SQSTM1: variants seen among roughly 807,000 people sequenced by gnomAD.
SQSTM1 encodes the protein sequestosome-1.
A neutral mutation model predicts 45.1 loss-of-function variants in SQSTM1; 36 were observed. That is an observed-to-expected ratio of 0.80 (90% CI 0.61 to 1.05). SQSTM1 has a LOEUF of 1.05. SQSTM1 is among the 50% of genes least tolerant of loss of function. The pLI is 0.00. For missense variants in SQSTM1, 617 were observed against 607.1 expected (o/e 1.02, Z -0.17); for synonymous variants, 290 against 244.3 (o/e 1.19, Z -1.74).
At chr5:179,833,922 T>A in intron 7 of SQSTM1, 140 bp downstream of exon 7, 1 of 947,506 alleles carries the variant, frequency 1.1e-6, no homozygotes, top group Non-Finnish European at 1.6e-6. Flanking sequence ...AGGTTAGGAG[T>A]TGGTTTTGTC....
At position 179,806,952 on chromosome 5, in the gene SQSTM1, G is replaced by A. The variant is rs1342874243; in HGVS notation, c.-157+361G>A. 1 of 150,586 alleles carries A rather than the reference G, an allele frequency of 6.6e-6. No homozygotes were observed. Among genetic ancestry groups the A allele is most frequent in the Non-Finnish European group, 1.5e-5 (1 of 67,494 alleles). The allele number at this position is 150,586 out of a possible 1,614,324, so 9.3% of individuals were successfully genotyped here. ...GAGCCGCGGCCCGGCCTGGATCTGG[G>A]GCCTGGATCTGGGGCCGCCGCGGAG... On this transcript the variant is annotated intron_variant, in intron 1 of 5. Coordinates refer to the SQSTM1 transcript ENST00000514093. The surrounding 1 kb of genome is among the most constrained non-coding windows in gnomAD (Gnocchi z 4.6).
At chr5:179,818,410 C>G (rs371255853), upstream of SQSTM1, among the ~76,000 whole-genome samples, 433 of 152,304 alleles carry the variant, frequency 2.8e-3, 1 homozygote, top group African/African-American at 0.01. Context: ...TCTGGCTGCC[C>G]CAGCACCCAC....
At chr5:179,828,918 T>C (rs1486276505) in intron 5 of SQSTM1, among the ~76,000 whole-genome samples, 1 of 152,122 alleles carries the variant, frequency 6.6e-6, no homozygotes, top group African/African-American at 2.4e-5. Flanking sequence ...GGCAACCTGC[T>C]GAGGGAAGCT....
rs553242167 is a variant in SQSTM1, at chr5:179,812,793, C to A, written c.-48+1111C>A. 41 of 152,282 alleles carry A rather than the reference C, an allele frequency of 2.7e-4. 1 individual carries two copies. Among genetic ancestry groups the A allele is most frequent in the Admixed American group, 1.9e-3 (29 of 15,292 alleles). 9.4% of individuals were successfully genotyped at this position (152,282 alleles called of 1,614,324 possible). ...GGTTTAGGTCCCATGGCACGTGGGG[C>A]TCTGGACCTGCCTGCCTCCAAGACA... On this transcript the variant is annotated intron_variant, in intron 2 of 5. Coordinates refer to the SQSTM1 transcript ENST00000514093.
In SQSTM1 at chr5:179,806,445, CCCAGGTGCG is replaced by C. The variant is rs767181562; in HGVS notation, c.-293_-285del. On this transcript the variant is annotated 5_prime_UTR_variant, in exon 1 of 6. Coordinates refer to the SQSTM1 transcript ENST00000514093. This position sits in a 1 kb window ranked among gnomAD's most constrained non-coding sequence, Gnocchi z 4.6. ...GCCGGGCCCGCTCCCGCCGCCGACG[CCCAGGTGCG>C]CCAGGTGCGGGCCGGGCGGGGGTCG... is the stretch of plus-strand genomic sequence containing the variant. 39 of 1,181,916 alleles carry C rather than the reference CCCAGGTGCG, an allele frequency of 3.3e-5. No individual in the cohort carries two copies. The highest frequency in any genetic ancestry group is 3.9e-5 in the Non-Finnish European group (36 of 933,140). 73.2% of individuals were successfully genotyped at this position (1,181,916 alleles called of 1,614,324 possible).
intron 5 of SQSTM1, among the ~76,000 whole-genome samples, chr5:179,826,683 C>A (rs1270282994): frequency 1.3e-5 from 2 of 149,748 alleles, no homozygotes; most frequent in East Asian, 4.0e-4. Context: ...TCACTGCAAC[C>A]TCTGCCTTCC....
In SQSTM1 at chr5:179,836,424, C is replaced by T. The variant is rs201463748; in HGVS notation, c.1166-12C>T. On this transcript the variant is annotated splice_polypyrimidine_tract_variant and intron_variant, in intron 7 of 7. Coordinates refer to ENST00000389805, the MANE Select transcript of SQSTM1 (RefSeq NM_003900.5). ...AGCACCACTCCTCATGGCTTCCTTA[C>T]TGTTTCGGCAGAGGCTGACCCGCGG... 1 of 1,614,040 alleles carries T rather than the reference C, an allele frequency of 6.2e-7. No individual in the cohort carries two copies. Among genetic ancestry groups the T allele is most frequent in the Middle Eastern group, 1.7e-4 (1 of 6,058 alleles).
chr5:179,826,598 G>GTT (rs549477595), intron 5 of SQSTM1, among the ~76,000 whole-genome samples: 69,289 of 141,990 alleles, frequency 0.49, 17,320 homozygotes, highest in East Asian at 0.78. Context: ...TCGCTAGTCT[G>GTT]TTTTTTTTTT....
intron 5 of SQSTM1, 79 bp downstream of exon 5, chr5:179,825,305 A>G (rs1344341865): frequency 4.8e-6 from 6 of 1,242,008 alleles, no homozygotes; most frequent in Non-Finnish European, 5.9e-6. Flanking sequence ...ACTGCAAAGG[A>G]ATGGGTAATT....
intron 5 of SQSTM1, among the ~76,000 whole-genome samples, chr5:179,830,192 G>T (rs1758155484): frequency 6.6e-6 from 1 of 152,196 alleles, no homozygotes; most frequent in South Asian, 2.1e-4. Flanking sequence ...TAGATTGAAA[G>T]CGGCCCTGAC....
intron 1 of SQSTM1, among the ~76,000 whole-genome samples, chr5:179,809,261 C>T (rs1281446301): frequency 2.1e-5 from 3 of 145,542 alleles, no homozygotes; most frequent in Non-Finnish European, 3.0e-5. Context: ...CAGGTTCAAG[C>T]GATTCTCCTG....
In SQSTM1 at chr5:179,837,886, C is replaced by CT; in HGVS notation, c.*1294dup. 1 of 1,601,874 alleles carries CT rather than the reference C, an allele frequency of 6.2e-7. No homozygotes were observed. Among genetic ancestry groups the CT allele is most frequent in the Non-Finnish European group, 8.5e-7 (1 of 1,178,110 alleles). Reference sequence around the variant, plus strand: ...CCTTCCATGTCAGGCCAGCCTGTCCCTGAAAGAGAAGATGGCCATGCCCTC... The same window carrying CT: ...CCTTCCATGTCAGGCCAGCCTGTCCCTTGAAAGAGAAGATGGCCATGCCCTC... On this transcript the variant is annotated 3_prime_UTR_variant, in exon 8 of 8. Coordinates refer to ENST00000389805, the MANE Select transcript of SQSTM1 (RefSeq NM_003900.5).
intron 2 of SQSTM1, chr5:179,813,212 G>GCACTGACA (rs1757483352): frequency 6.6e-6 from 1 of 152,164 alleles, no homozygotes; most frequent in African/African-American, 2.4e-5. Flanking sequence ...AAACACATGT[G>GCACTGACA]CACTGACATT....
chr5:179,811,935 G>T (rs1333310583), intron 2 of SQSTM1: 1 of 152,158 alleles, frequency 6.6e-6, no homozygotes, highest in Admixed American at 6.6e-5. Context: ...CTCCTGAGTA[G>T]CTGGGACTAC....
intron 5 of SQSTM1, among the ~76,000 whole-genome samples, chr5:179,828,369 C>CTTTTTTTTTTT (rs57483633): frequency 3.1e-5 from 3 of 98,300 alleles, no homozygotes; most frequent in East Asian, 2.8e-4. Context: ...TTTTTCTTAT[C>CTTTTTTTTTTT]TTTTTTTTTT....
At chr5:179,833,372 C>T in intron 6 of SQSTM1, 126 bp downstream of exon 6, 2 of 1,060,892 alleles carry the variant, frequency 1.9e-6, no homozygotes, top group East Asian at 2.6e-5. Flanking sequence ...GCTGCTGCTG[C>T]AGTGATGTCT....
intron 1 of SQSTM1, chr5:179,822,516 C>T: frequency 3.6e-6 from 1 of 279,208 alleles, no homozygotes; most frequent in Non-Finnish European, 7.2e-6. Flanking sequence ...ATGCCCTTGT[C>T]TTCTCCTTTA....
At chr5:179,821,934 C>T (rs1255771550) in intron 1 of SQSTM1, among the ~76,000 whole-genome samples, 1 of 147,594 alleles carries the variant, frequency 6.8e-6, no homozygotes, top group African/African-American at 2.5e-5. Flanking sequence ...ATACCAGGCC[C>T]TCTCCTATTC....
Position 179,822,976 on chromosome 5 carries a change from T to G in SQSTM1, c.224T>G (p.Val75Gly). ...AHYRDEDGDL[V>G]AFSSDEELTM... Reference sequence around the variant, plus strand: ...AATCTAGATGAGGACGGGGACTTGGTTGCCTTTTCCAGTGACGAGGAATTG... The same window carrying G: ...AATCTAGATGAGGACGGGGACTTGGGTGCCTTTTCCAGTGACGAGGAATTG... The change falls in exon 2 of 8, where the codon GTT (valine) becomes GGT (glycine). Residue 75 changes from valine to glycine, a missense_variant. Transcript: ENST00000389805. 6.2e-7 allele frequency: 1 copy of G among 1,614,112 alleles called. No homozygotes were observed. The highest frequency in any genetic ancestry group is 8.5e-7 in the Non-Finnish European group (1 of 1,179,982).
Sources: allele counts gnomAD v4.1 joint callset (sites outside exome capture counted in the v4.1 genomes callset), GRCh38; gene constraint gnomAD v4.1.1; non-coding constraint Gnocchi (gnomAD v3.1); transcripts MANE v1.5; gene names NCBI Gene and HGNC (gene_info 2026-07-23, HGNC 2026-07-21).